Variants in DNM3 observed in about 807,000 individuals in gnomAD.
The protein encoded by DNM3 is dynamin-3.
DNM3 carries 47 observed loss-of-function variants against 101.6 expected under a neutral mutation model. The observed-to-expected ratio is 0.46, with a 90% CI of 0.37 to 0.59. The LOEUF is 0.59. DNM3 is among the 20% of genes least tolerant of loss of function. The pLI is 0.00. For missense variants in DNM3, 849 were observed against 1,085.7 expected (o/e 0.78, Z 3.06); for synonymous variants, 385 against 387.9 (o/e 0.99, Z 0.09).
intron 14 of DNM3, among the ~76,000 whole-genome samples, chr1:172,240,006 G>A (rs1171068819): frequency 6.6e-6 from 1 of 151,844 alleles, no homozygotes; most frequent in Non-Finnish European, 1.5e-5. Flanking sequence ...ACAGGGCTGA[G>A]TCTCAGAAGG....
chr1:172,039,843 AATG>A (rs1319763766), intron 7 of DNM3, among the ~76,000 whole-genome samples: 1 of 152,060 alleles, frequency 6.6e-6, no homozygotes, highest in Non-Finnish European at 1.5e-5. Flanking sequence ...CTGTGAAATG[AATG>A]ATAATAAGAT....
At chr1:172,354,071 G>A (rs911132366) in intron 17 of DNM3, among the ~76,000 whole-genome samples, 4 of 144,466 alleles carry the variant, frequency 2.8e-5, no homozygotes, top group Admixed American at 7.0e-5. Flanking sequence ...GAGGTATTTA[G>A]GACATAAAGG....
At chr1:171,876,051 C>T (rs913355604) in intron 1 of DNM3, among the ~76,000 whole-genome samples, 5 of 151,910 alleles carry the variant, frequency 3.3e-5, no homozygotes, top group Non-Finnish European at 4.4e-5. Flanking sequence ...CCTTGTGATC[C>T]GCCCCCCTCG....
intron 1 of DNM3, among the ~76,000 whole-genome samples, chr1:171,886,587 T>C (rs1311189769): frequency 6.6e-6 from 1 of 152,146 alleles, no homozygotes; most frequent in Non-Finnish European, 1.5e-5. Context: ...AAAATTGCCT[T>C]TGTTATTTAC....
At chr1:172,207,956 A>T (rs1053757127) in intron 14 of DNM3, among the ~76,000 whole-genome samples, 1 of 152,084 alleles carries the variant, frequency 6.6e-6, no homozygotes, top group Non-Finnish European at 1.5e-5. Context: ...TTTCTTTTTT[A>T]AAAAACTGCC....
intron 10 of DNM3, among the ~76,000 whole-genome samples, chr1:172,056,020 C>A (rs1350351454): frequency 6.6e-6 from 1 of 152,194 alleles, no homozygotes; most frequent in Non-Finnish European, 1.5e-5. Context: ...TGAAGCATTG[C>A]CTCACTCCGG....
chr1:172,289,097 G>C (rs2063806408), intron 15 of DNM3, among the ~76,000 whole-genome samples: 1 of 151,906 alleles, frequency 6.6e-6, no homozygotes, highest in African/African-American at 2.4e-5. Context: ...AGCTCAAGGG[G>C]GAAAAAAAGA....
intron 1 of DNM3, among the ~76,000 whole-genome samples, chr1:171,875,672 G>A (rs150399161): frequency 1.1e-3 from 172 of 152,162 alleles, no homozygotes; most frequent in East Asian, 6.0e-3. Flanking sequence ...CCTCATCTGC[G>A]AAATTATAAA....
intron 17 of DNM3, among the ~76,000 whole-genome samples, chr1:172,334,843 CAT>C (rs1323810968): frequency 1.8e-4 from 27 of 151,996 alleles, no homozygotes; most frequent in Admixed American, 1.7e-3. Flanking sequence ...TTTTTGTGAA[CAT>C]ATGTCTTTCA....
At chr1:171,920,659 G>GT (rs2125318363) in intron 1 of DNM3, among the ~76,000 whole-genome samples, 1 of 152,236 alleles carries the variant, frequency 6.6e-6, no homozygotes, top group Admixed American at 6.5e-5. Context: ...TGTGCTATAG[G>GT]TATGTTTTTG....
intron 17 of DNM3, among the ~76,000 whole-genome samples, chr1:172,374,859 C>G (rs1230840721): frequency 1.3e-5 from 2 of 151,994 alleles, no homozygotes; most frequent in Non-Finnish European, 2.9e-5. Context: ...TGTTTCATAC[C>G]TTTGTCCATC....
chr1:172,232,331 G>C (rs2061370497), intron 14 of DNM3, among the ~76,000 whole-genome samples: 1 of 152,154 alleles, frequency 6.6e-6, no homozygotes, highest in Non-Finnish European at 1.5e-5. Context: ...TCAACAAGAA[G>C]AGCTAACTAT....
intron 2 of DNM3, among the ~76,000 whole-genome samples, chr1:171,969,146 T>A (rs2043807051): frequency 6.6e-6 from 1 of 152,138 alleles, no homozygotes; most frequent in Non-Finnish European, 1.5e-5. Flanking sequence ...TTGCTCCTCA[T>A]CATAAAGGTC....
At chr1:172,197,954 AGTG>A in intron 14 of DNM3, among the ~76,000 whole-genome samples, 1 of 152,102 alleles carries the variant, frequency 6.6e-6, no homozygotes, top group South Asian at 2.1e-4. Flanking sequence ...TGTTGAGTGA[AGTG>A]GTAAGAGAGG....
At chr1:172,154,663 T>G (rs1035380426) in intron 14 of DNM3, among the ~76,000 whole-genome samples, 1 of 152,126 alleles carries the variant, frequency 6.6e-6, no homozygotes, top group Non-Finnish European at 1.5e-5. Flanking sequence ...TTGCAAAACC[T>G]AATCCTATCA....
chr1:172,217,283 C>T (rs2060736193), intron 14 of DNM3, among the ~76,000 whole-genome samples: 1 of 152,092 alleles, frequency 6.6e-6, no homozygotes, highest in Non-Finnish European at 1.5e-5. Flanking sequence ...TGCTGCTGGT[C>T]CCTGTCCCTT....
chr1:172,345,232 A>T (rs2066875060), intron 17 of DNM3, among the ~76,000 whole-genome samples: 1 of 152,370 alleles, frequency 6.6e-6, no homozygotes, highest in South Asian at 2.1e-4. Flanking sequence ...TTTCATAGAA[A>T]GGAATTAAAC....
intron 15 of DNM3, among the ~76,000 whole-genome samples, chr1:172,271,299 A>C (rs1259778001): frequency 6.6e-6 from 1 of 152,148 alleles, no homozygotes; most frequent in Non-Finnish European, 1.5e-5. Flanking sequence ...GCACACCACC[A>C]ATTATATTTA....
rs182741241 is a variant in DNM3, at chr1:172,122,366, C to A, written c.1546-8809C>A. 7.0e-3 allele frequency among the ~76,000 whole-genome samples: 1,067 copies of A among 152,134 alleles called. 8 individuals are homozygous for A. The highest frequency in any genetic ancestry group is 0.012 in the Non-Finnish European group (784 of 68,000). ...AACTCATATGATTCTCATAACAACT[C>A]TACATTATAGGTATTATTATTATTC... On this transcript the variant is annotated intron_variant, in intron 13 of 20. Transcript: ENST00000627582.
Sources: gnomAD v4.1 joint callset for allele counts (sites outside exome capture counted in the v4.1 genomes callset) on GRCh38, gnomAD v4.1.1 for gene constraint, MANE v1.5 for transcripts, NCBI Gene and HGNC (gene_info 2026-07-23, HGNC 2026-07-21) for gene names.